SETBP1: variants seen among roughly 807,000 people sequenced by gnomAD.
SETBP1 encodes the protein SET binding protein 1, also known as SET-binding protein.
In SETBP1, 9 loss-of-function variants were observed where a neutral mutation model predicts 101.0. That is an observed-to-expected ratio of 0.09 (90% CI 0.05 to 0.16). The LOEUF is 0.16. Ranked by LOEUF, SETBP1 falls within the 10% of genes least tolerant of loss-of-function variation. SETBP1 has a pLI of 1.00. For missense variants in SETBP1, 1,858 were observed against 2,033.8 expected (o/e 0.91, Z 1.66); for synonymous variants, 818 against 788.5 (o/e 1.04, Z -0.63).
intron 4 of SETBP1, chr18:44,986,780 T>G (rs2072245421): frequency 6.6e-6 from 1 of 152,172 alleles, no homozygotes; most frequent in Admixed American, 6.5e-5. Context: ...CGTATGGTAC[T>G]GTCATCTCCT....
intron 2 of SETBP1, among the ~76,000 whole-genome samples, chr18:44,756,172 G>T (rs929198080): frequency 1.3e-5 from 2 of 151,232 alleles, no homozygotes; most frequent in Non-Finnish European, 2.9e-5. Context: ...AGCTGAAATC[G>T]TGCCACCGTA....
chr18:44,907,715 T>C (rs145182776), intron 3 of SETBP1, among the ~76,000 whole-genome samples: 1 of 152,338 alleles, frequency 6.6e-6, no homozygotes, highest in East Asian at 1.9e-4. Flanking sequence ...TTTTTATTGT[T>C]GTATAGGGCT....
At chr18:45,019,490 G>A (rs1395458059) in intron 4 of SETBP1, among the ~76,000 whole-genome samples, 1 of 152,098 alleles carries the variant, frequency 6.6e-6, no homozygotes, top group Admixed American at 6.6e-5. Context: ...CTCTTTAAAA[G>A]TCTGGCATTT....
chr18:45,063,709 G>T lies in SETBP1; in HGVS notation c.*11G>T. ...GAGGTCCTTCCCTAGGGCGGGTCTG[G>T]GCGTCTGCACCTGGGGCCTAGGGAA... On this transcript the variant is annotated 3_prime_UTR_variant, in exon 6 of 6. Transcript: ENST00000649279. 4 of 1,602,154 alleles carry T rather than the reference G, an allele frequency of 2.5e-6. No individual in the cohort carries two copies. The South Asian group carries it at 4.5e-5, about 18-fold the overall frequency.
intron 4 of SETBP1, among the ~76,000 whole-genome samples, chr18:45,035,941 CCA>C (rs2073387259): frequency 6.6e-6 from 1 of 152,142 alleles, no homozygotes; most frequent in Non-Finnish European, 1.5e-5. Flanking sequence ...GCCCCAGTGC[CCA>C]TAGGCTTCTG....
chr18:44,949,973 G>C lies in SETBP1; in HGVS notation c.633G>C (p.Gln211His), dbSNP rs1478918855. The change falls in exon 4 of 6, where the codon CAG becomes CAC. Residue 211 changes from glutamine (Q) to histidine (H), a missense_variant. By Grantham distance (24) the Gln-to-His change is conservative (BLOSUM62 0). Around this residue, in one of 12 missense-constraint regions of SETBP1, gnomAD observed 581 missense variants for 535.1 expected, o/e 1.09. Transcript: ENST00000649279. ...FTGDTLKPKH[Q>H]QKSSSQNHMD... ...GTGACACCTTAAAACCAAAGCACCA[G>C]CAAAAAAGCAGCAGCCAGAACCACA... is the stretch of plus-strand genomic sequence containing the variant. 5.0e-6 allele frequency: 8 copies of C among 1,614,096 alleles called. No homozygotes were observed. Among genetic ancestry groups the C allele is most frequent in the African/African-American group, 1.3e-5 (1 of 75,016 alleles).
intron 4 of SETBP1, among the ~76,000 whole-genome samples, chr18:44,989,389 T>G (rs987098579): frequency 6.6e-6 from 1 of 151,890 alleles, no homozygotes; most frequent in Non-Finnish European, 1.5e-5. Flanking sequence ...GGAAGATAGA[T>G]CCAAAGAAAT....
rs191727453 is a variant in SETBP1 at position 44,715,630 on chromosome 18, A to G, written c.486+13798A>G. Among the ~76,000 whole-genome samples the G allele has an allele frequency of 4.7e-3, 716 of 152,348 alleles. 5 individuals carry two copies. The highest frequency in any genetic ancestry group is 6.4e-3 in the Non-Finnish European group (438 of 68,038). The stretch of plus-strand genomic sequence containing the variant: ...CACTCTTCTTTTCACATTATTCTGA[A>G]GATAATCTGAGCCAATGGCTATAAA... On this transcript the variant is annotated intron_variant, in intron 2 of 5. Transcript: ENST00000649279.
chr18:45,029,752 A>G (rs1166291156), intron 4 of SETBP1, among the ~76,000 whole-genome samples: 2 of 152,010 alleles, frequency 1.3e-5, no homozygotes. Flanking sequence ...ATTCCTAGGT[A>G]TTTTATTCCC....
At chr18:45,005,782 G>A (rs1317569848) in intron 4 of SETBP1, among the ~76,000 whole-genome samples, 2 of 150,692 alleles carry the variant, frequency 1.3e-5, no homozygotes, top group Admixed American at 1.3e-4. Flanking sequence ...AAGTAACTGG[G>A]ACTACAGGCG....
intron 5 of SETBP1, among the ~76,000 whole-genome samples, chr18:45,045,535 C>T (rs1390410179): frequency 6.6e-6 from 1 of 151,202 alleles, no homozygotes. Context: ...TGGGGAGGCC[C>T]AAAGGGACTT....
At chr18:44,983,231 T>C (rs1281550064) in intron 4 of SETBP1, among the ~76,000 whole-genome samples, 2 of 152,188 alleles carry the variant, frequency 1.3e-5, no homozygotes, top group East Asian at 1.9e-4. Flanking sequence ...ATTTTGTGCG[T>C]ATCAAAACGT....
intron 2 of SETBP1, among the ~76,000 whole-genome samples, chr18:44,835,273 G>A (rs1427034251): frequency 2.6e-5 from 4 of 152,078 alleles, no homozygotes; most frequent in African/African-American, 9.7e-5. Context: ...TCTCGAAGAG[G>A]CCCTTGGGTG....
chr18:45,011,162 C>T (rs895619913), intron 4 of SETBP1, among the ~76,000 whole-genome samples: 3 of 152,080 alleles, frequency 2.0e-5, no homozygotes, highest in Non-Finnish European at 2.9e-5. Flanking sequence ...TTCTGATTTG[C>T]TTGGAACAGG....
chr18:45,059,592 G>A (rs2073860056), intron 5 of SETBP1, among the ~76,000 whole-genome samples: 1 of 152,176 alleles, frequency 6.6e-6, no homozygotes, highest in Non-Finnish European at 1.5e-5. Flanking sequence ...TGTGTCTTCT[G>A]TCCTCTGTAG....
intron 2 of SETBP1, among the ~76,000 whole-genome samples, chr18:44,811,967 G>T (rs1427159016): frequency 1.3e-5 from 2 of 152,214 alleles, no homozygotes; most frequent in African/African-American, 4.8e-5. Context: ...ATAACAGCTT[G>T]ATCCCATTCC....
intron 5 of SETBP1, among the ~76,000 whole-genome samples, chr18:45,042,925 G>C (rs1289618309): frequency 6.6e-6 from 1 of 152,196 alleles, no homozygotes; most frequent in Non-Finnish European, 1.5e-5. Context: ...CAGTCCCCTG[G>C]TGCAGCCAAG....
chr18:44,938,151 C>T (rs1349336300), intron 3 of SETBP1, among the ~76,000 whole-genome samples: 1 of 152,140 alleles, frequency 6.6e-6, no homozygotes, highest in Non-Finnish European at 1.5e-5. Flanking sequence ...TGGGTCCCTG[C>T]GTTCCTCTGT....
At chr18:44,876,868 T>A in intron 3 of SETBP1, 1 of 1,411,526 alleles carries the variant, frequency 7.1e-7, no homozygotes, top group Non-Finnish European at 9.3e-7. Flanking sequence ...GGGCTTATGA[T>A]CTTCTCTGCC....
Sources: gnomAD v4.1 joint callset for allele counts (sites outside exome capture counted in the v4.1 genomes callset) on GRCh38, gnomAD v4.1.1 for gene constraint, gnomAD v4.1.1 regional missense constraint, MANE v1.5 for transcripts, NCBI Gene and HGNC (gene_info 2026-07-23, HGNC 2026-07-21) for gene names.